ANKDD1A: variants seen among roughly 807,000 people sequenced by gnomAD.
ANKDD1A encodes the protein ankyrin repeat and death domain-containing protein 1A.
Under a neutral mutation model 63.5 loss-of-function variants are expected in ANKDD1A, and 59 were observed. That is an observed-to-expected ratio of 0.93 (90% confidence interval 0.75 to 1.15). The LOEUF is 1.15. ANKDD1A is among the 50% of genes most tolerant of loss of function. The pLI, the probability that ANKDD1A is intolerant of heterozygous loss-of-function variation, is 0.00. For synonymous variants in ANKDD1A, 266 were observed against 263.9 expected (o/e 1.01, Z -0.08); for missense variants, 632 against 656.4 (o/e 0.96, Z 0.41).
intron 4 of ANKDD1A, among the ~76,000 whole-genome samples, chr15:64,925,786 A>G (rs748565848): frequency 2.0e-5 from 3 of 152,140 alleles, no homozygotes; most frequent in Admixed American, 1.3e-4. Flanking sequence ...CCTGTGTGAA[A>G]GTGGAGGCTC....
rs375221475 is a variant in ANKDD1A at position 64,926,894 on chromosome 15, C to T, written c.472-7C>T. On this transcript the variant is annotated splice_region_variant and splice_polypyrimidine_tract_variant and intron_variant, in intron 5 of 14. Coordinates refer to ENST00000319580, the MANE Select transcript of ANKDD1A (RefSeq NM_182703.6). The stretch of plus-strand genomic sequence containing the variant: ...GGAAGGCTCACACCGCTTCTCCTCC[C>T]GGCCAGCTGGGGAGGACGGCGTTTC... 2.1e-5 allele frequency: 34 copies of T among 1,613,944 alleles called. No homozygotes were observed. The African/African-American group carries it at 2.4e-4, about 11-fold the overall frequency.
chr15:64,954,545 T>C lies in ANKDD1A; in HGVS notation c.1484-2558T>C, dbSNP rs1325573214. ...TTCTCCTTCTTCCTCCTTCTCCTTC[T>C]TCTTTTCTTCTTCCTTCTCCTTGTT... On this transcript the variant is annotated intron_variant, in intron 14 of 14. Coordinates refer to ENST00000319580, the MANE Select transcript of ANKDD1A (RefSeq NM_182703.6). Among the ~76,000 whole-genome samples, 803 of 143,386 alleles carry C rather than the reference T, an allele frequency of 5.6e-3. 3 individuals are homozygous for C. Among genetic ancestry groups the C allele is most frequent in the Admixed American group, 8.9e-3 (125 of 14,042 alleles). 94.1% of individuals were successfully genotyped at this position (143,386 alleles called of 152,430 possible).
chr15:64,927,110 C>A, intron 6 of ANKDD1A, 111 bp downstream of exon 6: 1 of 1,092,238 alleles, frequency 9.2e-7, no homozygotes, highest in Non-Finnish European at 1.4e-6. Context: ...GCTGGAGGCC[C>A]GTGTGGCCCA....
chr15:64,933,394 A>T (rs2085104849), intron 8 of ANKDD1A, among the ~76,000 whole-genome samples: 1 of 152,162 alleles, frequency 6.6e-6, no homozygotes, highest in South Asian at 2.1e-4. Context: ...TTGGGCACTG[A>T]CTGAAAGAGA....
chr15:64,956,280 T>C lies in ANKDD1A; in HGVS notation c.1484-823T>C, dbSNP rs111315189. Among the ~76,000 whole-genome samples the C allele has an allele frequency of 2.1e-3, 315 of 150,940 alleles. 1 individual carries two copies. Among genetic ancestry groups the C allele is most frequent in the African/African-American group, 7.4e-3 (305 of 41,094 alleles). ...AACAGTTTAGCTTGGCCGGGCGCAG[T>C]GGCTCATGCCTGTAATCCCAGCACT... On this transcript the variant is annotated intron_variant, in intron 14 of 14. Coordinates refer to ENST00000319580, the MANE Select transcript of ANKDD1A (RefSeq NM_182703.6).
intron 1 of ANKDD1A, among the ~76,000 whole-genome samples, chr15:64,913,624 C>T (rs1383789239): frequency 6.6e-6 from 1 of 152,154 alleles, no homozygotes; most frequent in Non-Finnish European, 1.5e-5. Context: ...CTGAGATCCA[C>T]AGGTTGTATC....
intron 9 of ANKDD1A, among the ~76,000 whole-genome samples, chr15:64,935,916 A>G (rs75877855): frequency 0.015 from 2,278 of 152,274 alleles, 51 homozygotes; most frequent in African/African-American, 0.051. Flanking sequence ...AATAACTATC[A>G]AGCTGAATTA....
At chr15:64,952,808 C>CT (rs2085321554) in intron 14 of ANKDD1A, among the ~76,000 whole-genome samples, 1 of 145,502 alleles carries the variant, frequency 6.9e-6, no homozygotes. Context: ...TCTTCTCCTT[C>CT]TCCTCCTTCT....
chr15:64,938,764 C>T (rs1272555926), intron 9 of ANKDD1A, among the ~76,000 whole-genome samples: 2 of 151,914 alleles, frequency 1.3e-5, no homozygotes, highest in African/African-American at 4.8e-5. Flanking sequence ...CCAGCCTGGC[C>T]AACATGGTGA....
At chr15:64,942,862 T>C (rs551903510) in intron 10 of ANKDD1A, among the ~76,000 whole-genome samples, 1 of 152,274 alleles carries the variant, frequency 6.6e-6, no homozygotes, top group African/African-American at 2.4e-5. Context: ...TTAGGGAACA[T>C]TCCCAGGGCA....
intron 9 of ANKDD1A, among the ~76,000 whole-genome samples, chr15:64,934,889 A>G (rs2085116593): frequency 6.6e-6 from 1 of 151,868 alleles, no homozygotes; most frequent in Non-Finnish European, 1.5e-5. Context: ...TTTTACTGTT[A>G]TACATTTGGT....
chr15:64,943,107 T>C (rs943958299), intron 10 of ANKDD1A: 1 of 214,610 alleles, frequency 4.7e-6, no homozygotes, highest in African/African-American at 2.3e-5. Context: ...GAGAAACATA[T>C]TAAAAGCTCA....
chr15:64,931,439 G>A, intron 7 of ANKDD1A, 48 bp from the exon 8 acceptor site: 3 of 1,569,996 alleles, frequency 1.9e-6, no homozygotes, highest in Non-Finnish European at 2.6e-6. Flanking sequence ...GGGGTCACTT[G>A]GGGGTGGGCC....
chr15:64,958,109 A>AAAC lies in ANKDD1A; in HGVS notation c.*922_*924dup, dbSNP rs2085435966. 1.3e-5 allele frequency: 2 copies of AAAC among 152,242 alleles called. No individual in the cohort carries two copies. The highest frequency in any genetic ancestry group is 4.8e-5 in the African/African-American group (2 of 41,460). The allele number at this position is 152,242 out of a possible 1,614,324, so 9.4% of individuals were successfully genotyped here. A position where few individuals can be genotyped will look rare whatever the true frequency, so the allele number is the denominator to read the frequency against. On this transcript the variant is annotated 3_prime_UTR_variant, in exon 15 of 15. Transcript: ENST00000319580. ...AGGATATGACATGCTGGAACAGGCAAAACTACAAAGACAGTAAAAAGATCA... is the reference window on the plus strand; with the variant it reads ...AGGATATGACATGCTGGAACAGGCAAAACAACTACAAAGACAGTAAAAAGATCA...
chr15:64,951,416 C>CTTCTTCCTTTTTTCTT (rs2085273401), intron 14 of ANKDD1A: 1 of 69,902 alleles, frequency 1.4e-5, no homozygotes, highest in Non-Finnish European at 2.1e-5. Flanking sequence ...TTTTTCTTTT[C>CTTCTTCCTTTTTTCTT]TTCCTCTTTT....
At position 64,922,002 on chromosome 15, in the gene ANKDD1A, A is replaced by T; in HGVS notation, c.349A>T (p.Ile117Phe). The T allele has an allele frequency of 1.2e-6, 2 of 1,614,128 alleles. No homozygotes were observed. The highest frequency in any genetic ancestry group is 2.2e-5 in the South Asian group (2 of 91,070). The change falls in exon 4 of 15, where the codon ATC (isoleucine) becomes TTC (phenylalanine). Residue 117 changes from isoleucine to phenylalanine, a missense_variant. Coordinates refer to ENST00000319580, the MANE Select transcript of ANKDD1A (RefSeq NM_182703.6). ...LQILVNSGAK[I>F]HCESKDGLTL... Reference sequence around the variant, plus strand: ...GATCTTGGTAAACTCAGGGGCCAAGATCCACTGTGAGAGCAAGGTAAGGCC... The same window carrying T: ...GATCTTGGTAAACTCAGGGGCCAAGTTCCACTGTGAGAGCAAGGTAAGGCC...
chr15:64,953,050 C>T lies in ANKDD1A; in HGVS notation c.1483+3078C>T, dbSNP rs1378068648. Among the ~76,000 whole-genome samples, 114 of 144,668 alleles carry T rather than the reference C, an allele frequency of 7.9e-4. 1 individual carries two copies. The highest frequency in any genetic ancestry group is 3.8e-3 in the Middle Eastern group (1 of 260). The allele number at this position is 144,668 out of a possible 152,430, so 94.9% of individuals were successfully genotyped here. A position where few individuals can be genotyped will look rare whatever the true frequency, so the allele number is the denominator to read the frequency against. ...CCTCCTTCTTCCTTTCTTCTTTCCTCTCTTTTTTCTTCCTCTTTCCTTCTT... is the reference window on the plus strand; with the variant it reads ...CCTCCTTCTTCCTTTCTTCTTTCCTTTCTTTTTTCTTCCTCTTTCCTTCTT... On this transcript the variant is annotated intron_variant, in intron 14 of 14. Coordinates refer to ENST00000319580, the MANE Select transcript of ANKDD1A (RefSeq NM_182703.6).
intron 8 of ANKDD1A, chr15:64,931,882 C>A: frequency 1.9e-6 from 1 of 514,060 alleles, no homozygotes; most frequent in Non-Finnish European, 3.5e-6. Flanking sequence ...CACCTCAATA[C>A]CTGTTAGTGT....
chr15:64,950,800 G>C (rs1376001161), intron 14 of ANKDD1A: 3 of 1,004,590 alleles, frequency 3.0e-6, no homozygotes, highest in Non-Finnish European at 3.5e-6. Flanking sequence ...TCAGGGTAGA[G>C]AGATTAGGGA....
Sources: gnomAD v4.1 joint callset for allele counts (sites outside exome capture counted in the v4.1 genomes callset) on GRCh38, gnomAD v4.1.1 for gene constraint, MANE v1.5 for transcripts, NCBI Gene and HGNC (gene_info 2026-07-23, HGNC 2026-07-21) for gene names.